The following SLC25A43 variants were observed in gnomAD, a reference collection of about 807,000 sequenced individuals.
The protein encoded by SLC25A43 is solute carrier family 25, member 43.
In SLC25A43, 10 loss-of-function variants were observed where a neutral mutation model predicts 22.8. The observed-to-expected ratio is 0.44, with a 90% CI of 0.27 to 0.74. SLC25A43 has a LOEUF of 0.74. SLC25A43 is among the 30% of genes least tolerant of loss of function. The pLI is 0.17. For synonymous variants in SLC25A43, 106 were observed against 121.6 expected, an observed-to-expected ratio of 0.87 and a Z score of 0.84; for missense variants, 233 against 279.1, an observed-to-expected ratio of 0.83 and a Z score of 1.18.
intron 3 of SLC25A43, 109 bp downstream of exon 3, chrX:119,410,471 C>A: frequency 2.4e-6 from 2 of 833,870 alleles, no homozygotes; most frequent in Non-Finnish European, 3.4e-6. Context: ...TTCCAAGGAG[C>A]TTCTGACTGC....
chrX:119,445,714 T>A (rs907951540), intron 3 of SLC25A43, among the ~76,000 whole-genome samples: 2 of 111,852 alleles, frequency 1.8e-5, no homozygotes, highest in Non-Finnish European at 3.8e-5. Context: ...AGGTTTTTGT[T>A]TGTGAAACGA....
intron 3 of SLC25A43, among the ~76,000 whole-genome samples, chrX:119,411,838 A>G (rs970414352): frequency 4.5e-5 from 5 of 111,899 alleles, no homozygotes; most frequent in Non-Finnish European, 9.4e-5. Flanking sequence ...CCTACGTAAC[A>G]AACCTGCACA....
chrX:119,399,750 C>T (rs1054423232), intron 1 of SLC25A43, 72 bp downstream of exon 1: 124 of 956,654 alleles, frequency 1.3e-4, no homozygotes, highest in Non-Finnish European at 1.6e-4. Context: ...GGCCCGACGC[C>T]GCCCTGCTGC....
intron 3 of SLC25A43, among the ~76,000 whole-genome samples, chrX:119,431,523 A>AG (rs1378728076): frequency 9.0e-6 from 1 of 110,680 alleles, no homozygotes; most frequent in Admixed American, 9.7e-5. Context: ...ACAGAAAAAA[A>AG]AAAAAGAAAA....
chrX:119,412,107 T>G (rs974912922), intron 3 of SLC25A43, among the ~76,000 whole-genome samples: 3 of 111,040 alleles, frequency 2.7e-5, no homozygotes, highest in African/African-American at 9.8e-5. Flanking sequence ...GCTTTCCCTC[T>G]GTAGTAGTCC....
chrX:119,427,837 A>AT (rs1314006135), intron 3 of SLC25A43, among the ~76,000 whole-genome samples: 3 of 111,217 alleles, frequency 2.7e-5, no homozygotes, highest in African/African-American at 9.8e-5. Flanking sequence ...TTCCCTATGA[A>AT]TTTTTTTTCC....
intron 3 of SLC25A43, among the ~76,000 whole-genome samples, chrX:119,449,417 A>AC (rs1208721290): frequency 9.4e-6 from 1 of 106,527 alleles, no homozygotes; most frequent in Non-Finnish European, 1.9e-5. Flanking sequence ...CTGTCTCAAA[A>AC]AAAAAAAAAA....
chrX:119,449,413 C>CA (rs34141915), intron 3 of SLC25A43, among the ~76,000 whole-genome samples: 18,279 of 72,581 alleles, frequency 0.25, 2,240 homozygotes, highest in African/African-American at 0.36. Context: ...GACTCTGTCT[C>CA]AAAAAAAAAA....
intron 3 of SLC25A43, among the ~76,000 whole-genome samples, chrX:119,429,718 A>G (rs1337791573): frequency 8.9e-6 from 1 of 111,936 alleles, no homozygotes; most frequent in Admixed American, 9.6e-5. Flanking sequence ...GTTAAGTGCC[A>G]TGAAGGAGAA....
At position 119,431,824 on chromosome X, in the gene SLC25A43, A is replaced by G. The variant is rs1191667862; in HGVS notation, c.691-20185A>G. 4.5e-5 allele frequency among the ~76,000 whole-genome samples: 5 copies of G among 111,373 alleles called. No homozygotes were observed. In the East Asian group the frequency reaches 1.4e-3, roughly 31 times the overall value. On this transcript the variant is annotated intron_variant, in intron 3 of 4. Coordinates refer to ENST00000217909, the MANE Select transcript of SLC25A43 (RefSeq NM_145305.3). The stretch of plus-strand genomic sequence containing the variant: ...GCATAAAGACACCCAGATAACTCAT[A>G]TAAGGTAGAGTGTGCCGCAGCAGAG...
Position 119,410,380 on chromosome X carries a change from T to C in SLC25A43, c.690+18T>C. The C allele has an allele frequency of 8.3e-7, 1 of 1,207,275 alleles. No homozygotes were observed. Among genetic ancestry groups the C allele is most frequent in the South Asian group, 1.8e-5 (1 of 56,772 alleles). On this transcript the variant is annotated intron_variant, in intron 3 of 4. Transcript: ENST00000217909. ...AGATGCAGGTGAGGAGTTATCAGAG[T>C]GGGGTAGGGGGTGGAATGCTTTGTA...
At chrX:119,410,091 C>A (rs973833634) in intron 2 of SLC25A43, 99 bp from the exon 3 acceptor site, 2 of 952,429 alleles carry the variant, frequency 2.1e-6, no homozygotes, top group African/African-American at 1.9e-5. Context: ...CCCCAGAGCC[C>A]CTCCTGTTTT....
intron 3 of SLC25A43, among the ~76,000 whole-genome samples, chrX:119,430,668 C>T (rs1296799772): frequency 1.8e-5 from 2 of 112,310 alleles, no homozygotes; most frequent in Non-Finnish European, 3.8e-5. Flanking sequence ...GTCCAGGCCT[C>T]GCCCCCGTTC....
intron 3 of SLC25A43, among the ~76,000 whole-genome samples, chrX:119,451,117 C>G (rs1196155164): frequency 9.0e-6 from 1 of 111,517 alleles, no homozygotes; most frequent in Admixed American, 9.6e-5. Context: ...GAGCCGAGAT[C>G]ATGCCACTGC....
At chrX:119,441,904 C>G (rs2052626142) in intron 3 of SLC25A43, among the ~76,000 whole-genome samples, 1 of 110,983 alleles carries the variant, frequency 9.0e-6, no homozygotes, top group Non-Finnish European at 1.9e-5. Flanking sequence ...AGCTGGGCAA[C>G]ATGGTGAAAC....
chrX:119,450,610 A>G (rs1362369544), intron 3 of SLC25A43, among the ~76,000 whole-genome samples: 5 of 112,300 alleles, frequency 4.5e-5, no homozygotes, highest in African/African-American at 1.6e-4. Context: ...GCTCAACTCC[A>G]GAGTTGTGCT....
chrX:119,424,826 C>CTTTGT (rs2052489359), intron 3 of SLC25A43, among the ~76,000 whole-genome samples: 1 of 113,008 alleles, frequency 8.8e-6, no homozygotes, highest in African/African-American at 3.2e-5. Flanking sequence ...AGCCTTCTTG[C>CTTTGT]TTTGCCCTCA....
intron 3 of SLC25A43, among the ~76,000 whole-genome samples, chrX:119,421,037 A>AG (rs2052447659): frequency 1.0e-5 from 1 of 100,171 alleles, no homozygotes; most frequent in South Asian, 4.9e-4. Flanking sequence ...GCTTGAACCT[A>AG]GGAGGTGGAG....
At chrX:119,410,761 C>T (rs765467637) in intron 3 of SLC25A43, among the ~76,000 whole-genome samples, 2 of 110,670 alleles carry the variant, frequency 1.8e-5, no homozygotes, top group Non-Finnish European at 3.8e-5. Context: ...TGGTGGCAGG[C>T]GCCTGTAATC....
Sources: gnomAD v4.1 joint callset for allele counts (sites outside exome capture counted in the v4.1 genomes callset) on GRCh38, gnomAD v4.1.1 for gene constraint, MANE v1.5 for transcripts, NCBI Gene and HGNC (gene_info 2026-07-23, HGNC 2026-07-21) for gene names.